Variants in TOX2 observed in about 807,000 individuals in gnomAD.
TOX2 encodes granulosa cell HMG box 1.
TOX2 carries 15 observed loss-of-function variants against 47.4 expected under a neutral mutation model. The ratio of observed to expected loss-of-function variants is 0.32; its 90% CI spans 0.21 to 0.49. TOX2 has a LOEUF of 0.49. TOX2 is among the 20% of genes least tolerant of loss of function. The pLI, the probability that TOX2 is intolerant of heterozygous loss-of-function variation, is 0.99. For missense variants in TOX2, 622 were observed against 673.1 expected (o/e 0.92, Z 0.84); for synonymous variants, 290 against 296.6 (o/e 0.98, Z 0.23).
chr20:44,049,525 G>A (rs1256067206), intron 3 of TOX2, among the ~76,000 whole-genome samples: 1 of 152,188 alleles, frequency 6.6e-6, no homozygotes, highest in Non-Finnish European at 1.5e-5. Context: ...GGGTATATAT[G>A]CAGGATGTGC....
chr20:43,946,668 G>A (rs1205060942), intron 1 of TOX2, among the ~76,000 whole-genome samples: 1 of 152,192 alleles, frequency 6.6e-6, no homozygotes, highest in African/African-American at 2.4e-5. Context: ...GTAGAAGAAA[G>A]GACAGCAACA....
intron 3 of TOX2, chr20:44,039,229 G>A: frequency 7.8e-7 from 1 of 1,289,206 alleles, no homozygotes; most frequent in Non-Finnish European, 1.0e-6. Context: ...TGACATTTCA[G>A]GTAAGCCATA....
At chr20:43,967,936 T>A (rs1383562760) in intron 1 of TOX2, among the ~76,000 whole-genome samples, 2 of 152,226 alleles carry the variant, frequency 1.3e-5, no homozygotes, top group South Asian at 4.1e-4. Context: ...ACACTTTGCA[T>A]GCCTGTGTTG....
chr20:44,069,454 C>A lies in TOX2; in HGVS notation c.*768C>A, dbSNP rs544428733. The A allele has an allele frequency of 6.5e-6, 1 of 154,054 alleles. No homozygotes were observed. Among genetic ancestry groups the A allele is most frequent in the South Asian group, 2.0e-4 (1 of 5,064 alleles). 9.5% of individuals were successfully genotyped at this position (154,054 alleles called of 1,614,324 possible). ...TCTATTTATGAAGAAACCTTGAGAA[C>A]GAAGTTACAGCTTATCCTACCGTGT... On this transcript the variant is annotated 3_prime_UTR_variant, in exon 9 of 9. Transcript: ENST00000341197.
intron 1 of TOX2, among the ~76,000 whole-genome samples, chr20:43,920,780 G>C (rs1198419816): frequency 2.0e-5 from 3 of 152,122 alleles, no homozygotes; most frequent in East Asian, 1.9e-4. Flanking sequence ...GGGATGGTGT[G>C]GGGGTGGAAA....
At chr20:43,978,122 C>T in intron 2 of TOX2, among the ~76,000 whole-genome samples, 1 of 152,230 alleles carries the variant, frequency 6.6e-6, no homozygotes, top group Non-Finnish European at 1.5e-5. Context: ...CAGAGTCCTG[C>T]TCATCATTCA....
intron 1 of TOX2, among the ~76,000 whole-genome samples, chr20:43,946,957 C>T (rs1240328194): frequency 4.6e-5 from 7 of 152,216 alleles, no homozygotes; most frequent in East Asian, 1.9e-4. Context: ...AGAAGGCTCC[C>T]GCTCAGGTCC....
intron 3 of TOX2, among the ~76,000 whole-genome samples, chr20:44,034,324 C>T (rs2071205309): frequency 6.6e-6 from 1 of 152,152 alleles, no homozygotes; most frequent in Admixed American, 6.5e-5. Context: ...ACCCCAGGCA[C>T]ACCTGGGTTG....
At chr20:43,941,588 C>T (rs985827110) in intron 1 of TOX2, among the ~76,000 whole-genome samples, 1 of 152,176 alleles carries the variant, frequency 6.6e-6, no homozygotes, top group African/African-American at 2.4e-5. Context: ...CCACTTCGGC[C>T]TCCCAAAGTG....
chr20:43,976,628 T>C (rs943216164), intron 2 of TOX2, among the ~76,000 whole-genome samples: 2 of 152,210 alleles, frequency 1.3e-5, no homozygotes, highest in Non-Finnish European at 2.9e-5. Flanking sequence ...TCATGATGAT[T>C]TTGTTGAAAA....
intron 1 of TOX2, among the ~76,000 whole-genome samples, chr20:43,959,778 A>G (rs1165975806): frequency 6.6e-6 from 1 of 152,170 alleles, no homozygotes; most frequent in Admixed American, 6.5e-5. Flanking sequence ...CTTGTTCCCA[A>G]CTGCTTGGAT....
chr20:44,010,382 G>T (rs1156851674), intron 3 of TOX2, among the ~76,000 whole-genome samples: 1 of 152,170 alleles, frequency 6.6e-6, no homozygotes, highest in Non-Finnish European at 1.5e-5. Context: ...CACAAATTCA[G>T]ATAGCCTTAA....
chr20:44,039,135 A>G (rs1424992702), intron 3 of TOX2: 2 of 1,260,268 alleles, frequency 1.6e-6, no homozygotes, highest in Non-Finnish European at 2.1e-6. Context: ...GCCGGGAGGC[A>G]ACGTGTGGAG....
chr20:43,948,176 G>A (rs2069502533), intron 1 of TOX2, among the ~76,000 whole-genome samples: 1 of 152,144 alleles, frequency 6.6e-6, no homozygotes, highest in Non-Finnish European at 1.5e-5. Context: ...CTGAAACCAG[G>A]GTGTCTGTTG....
intron 1 of TOX2, among the ~76,000 whole-genome samples, chr20:43,970,773 A>T (rs1253690758): frequency 1.3e-5 from 2 of 152,216 alleles, no homozygotes. Context: ...GGAGATTTGG[A>T]GATGACCAGA....
rs1264336252 is a variant in TOX2, at chr20:43,927,616, C to T, written c.99+12626C>T. Among the ~76,000 whole-genome samples the T allele has an allele frequency of 5.4e-5, 4 of 74,722 alleles. No homozygotes were observed. The African/African-American group carries it at 6.2e-4, about 12-fold the overall frequency. 49.0% of individuals were successfully genotyped at this position (74,722 alleles called of 152,430 possible). ...TCCTTCCTTCCTTCCTTCCTTCCTT[C>T]CTTCCTTCCTCCTTCCTTCCTTCCT... On this transcript the variant is annotated intron_variant, in intron 1 of 8. Transcript: ENST00000341197.
At chr20:43,960,229 G>C (rs565933969) in intron 1 of TOX2, among the ~76,000 whole-genome samples, 3 of 152,292 alleles carry the variant, frequency 2.0e-5, no homozygotes, top group East Asian at 3.9e-4. Flanking sequence ...ATGCTCTTGC[G>C]TGTCACCCTA....
At chr20:44,024,586 CT>C (rs2071030476) in intron 3 of TOX2, among the ~76,000 whole-genome samples, 1 of 151,890 alleles carries the variant, frequency 6.6e-6, no homozygotes, top group African/African-American at 2.4e-5. Context: ...ACATCTTTTA[CT>C]TTCTTCCCAA....
chr20:43,963,409 G>A (rs1018482575), intron 1 of TOX2, among the ~76,000 whole-genome samples: 2 of 152,212 alleles, frequency 1.3e-5, no homozygotes, highest in African/African-American at 2.4e-5. Context: ...TGCCCAAGGC[G>A]TTGTCCTTGC....
Sources: allele counts gnomAD v4.1 joint callset (sites outside exome capture counted in the v4.1 genomes callset), GRCh38; gene constraint gnomAD v4.1.1; transcripts MANE v1.5; gene names NCBI Gene and HGNC (gene_info 2026-07-23, HGNC 2026-07-21).